Variants in TEAD1 observed in about 807,000 individuals in gnomAD.
TEAD1 encodes TEA domain transcription factor 1.
Under a neutral mutation model 54.9 loss-of-function variants are expected in TEAD1, and 9 were observed. The ratio of observed to expected loss-of-function variants is 0.16; its 90% confidence interval spans 0.10 to 0.29. TEAD1 has a LOEUF of 0.29. Among genes scored for constraint, TEAD1 ranks in the 10% least tolerant of loss-of-function variants. The pLI is 1.00. For synonymous variants in TEAD1, 200 were observed against 187.8 expected, an observed-to-expected ratio of 1.07 and a Z score of -0.53; for missense variants, 387 against 535.9, an observed-to-expected ratio of 0.72 and a Z score of 2.74.
At chr11:12,913,446 T>A (rs1231959534) in intron 10 of TEAD1, among the ~76,000 whole-genome samples, 1 of 152,256 alleles carries the variant, frequency 6.6e-6, no homozygotes, top group Non-Finnish European at 1.5e-5. Context: ...ACAACCATTA[T>A]ACGTATACAT....
Position 12,924,894 on chromosome 11 carries a change from C to G in TEAD1, c.874-18C>G, listed in dbSNP as rs758455547. The G allele has an allele frequency of 1.2e-6, 2 of 1,614,162 alleles. No homozygotes were observed. The highest frequency in any genetic ancestry group is 1.1e-5 in the South Asian group (1 of 91,072). On this transcript the variant is annotated intron_variant, in intron 10 of 12. Transcript: ENST00000527636. ...TGGGATGAGAGAATAACCCACACCT[C>G]CATTTCCTTTCCAACAGGCTGATTT...
chr11:12,711,025 A>G lies in TEAD1; in HGVS notation c.-55+35464A>G, dbSNP rs148796229. On this transcript the variant is annotated intron_variant, in intron 2 of 12. Coordinates refer to ENST00000527636, the MANE Select transcript of TEAD1 (RefSeq NM_021961.6). ...TTGGGGATGGTGTTTTTAGGACTGT[A>G]CTGTGAATACCATGTTTAGGAGCTT... 2.6e-5 allele frequency among the ~76,000 whole-genome samples: 4 copies of G among 152,254 alleles called. 1 individual carries two copies. Among genetic ancestry groups the G allele is most frequent in the African/African-American group, 7.2e-5 (3 of 41,556 alleles).
rs1256850985 is a variant in TEAD1, at chr11:12,943,040, G to C, written c.*5818G>C. On this transcript the variant is annotated 3_prime_UTR_variant, in exon 13 of 13. Transcript: ENST00000527636. ...TAATATAGATGTAAAAATAACATCA[G>C]ACATCTTTGAAAATTAGCCTCTAAA... 6.6e-6 allele frequency: 1 copy of C among 152,194 alleles called. No individual in the cohort carries two copies. Among genetic ancestry groups the C allele is most frequent in the Non-Finnish European group, 1.5e-5 (1 of 68,020 alleles). The allele number at this position is 152,194 out of a possible 1,614,324, so 9.4% of individuals were successfully genotyped here.
intron 3 of TEAD1, among the ~76,000 whole-genome samples, chr11:12,784,521 T>A (rs144264979): frequency 6.6e-5 from 10 of 152,042 alleles, no homozygotes; most frequent in African/African-American, 2.4e-4. Flanking sequence ...GCATTAAGAG[T>A]CATTGTCTTG....
chr11:12,854,195 C>T (rs1038269656), intron 3 of TEAD1, among the ~76,000 whole-genome samples: 4 of 152,168 alleles, frequency 2.6e-5, no homozygotes, highest in African/African-American at 9.7e-5. Flanking sequence ...GGGACTGGTT[C>T]AGAGGCTGTT....
At chr11:12,911,381 G>A (rs1948614997) in intron 10 of TEAD1, among the ~76,000 whole-genome samples, 1 of 152,170 alleles carries the variant, frequency 6.6e-6, no homozygotes, top group East Asian at 1.9e-4. Flanking sequence ...ACCTGAGTCT[G>A]TCATTTGGAA....
intron 3 of TEAD1, among the ~76,000 whole-genome samples, chr11:12,809,705 G>A (rs565451315): frequency 1.2e-4 from 19 of 152,286 alleles, no homozygotes; most frequent in South Asian, 2.1e-4. Context: ...AAAACGTAGC[G>A]TCCTGTGCTT....
intron 2 of TEAD1, among the ~76,000 whole-genome samples, chr11:12,695,866 A>C (rs181664639): frequency 6.6e-6 from 1 of 152,020 alleles, no homozygotes; most frequent in Non-Finnish European, 1.5e-5. Context: ...TGTCTCCCCA[A>C]CCCTTGCATT....
At chr11:12,933,360 T>A (rs1420100554) in intron 12 of TEAD1, among the ~76,000 whole-genome samples, 2 of 152,228 alleles carry the variant, frequency 1.3e-5, no homozygotes, top group Admixed American at 1.3e-4. Flanking sequence ...CCAGCACTCT[T>A]GGATTTTGAA....
At chr11:12,772,036 C>G (rs1374172702) in intron 3 of TEAD1, among the ~76,000 whole-genome samples, 1 of 152,192 alleles carries the variant, frequency 6.6e-6, no homozygotes, top group African/African-American at 2.4e-5. Flanking sequence ...AGCTGCTGGG[C>G]TAGCTGCAGT....
intron 3 of TEAD1, among the ~76,000 whole-genome samples, chr11:12,827,472 TGAGA>T (rs1946680006): frequency 6.6e-6 from 1 of 152,206 alleles, no homozygotes; most frequent in Non-Finnish European, 1.5e-5. Flanking sequence ...TTGGTGTGGA[TGAGA>T]ACACTTAGTA....
intron 3 of TEAD1, among the ~76,000 whole-genome samples, chr11:12,819,780 C>G (rs1481405950): frequency 1.3e-5 from 2 of 152,166 alleles, no homozygotes; most frequent in East Asian, 1.9e-4. Context: ...CGGTCTTATT[C>G]TGTAATACGT....
At chr11:12,720,527 G>C (rs1349023447) in intron 2 of TEAD1, among the ~76,000 whole-genome samples, 2 of 152,144 alleles carry the variant, frequency 1.3e-5, no homozygotes, top group African/African-American at 4.8e-5. Flanking sequence ...AACTCTATGA[G>C]GTGAGCATTA....
intron 10 of TEAD1, among the ~76,000 whole-genome samples, chr11:12,915,617 G>A (rs1320455575): frequency 6.6e-6 from 1 of 152,232 alleles, no homozygotes; most frequent in African/African-American, 2.4e-5. Context: ...GGAGGCCGAG[G>A]CAGGTGGATC....
chr11:12,714,905 C>A (rs1944022940), intron 2 of TEAD1, among the ~76,000 whole-genome samples: 1 of 152,100 alleles, frequency 6.6e-6, no homozygotes, highest in African/African-American at 2.4e-5. Context: ...TGTTAATCAC[C>A]TCTTTAAAAG....
intron 3 of TEAD1, among the ~76,000 whole-genome samples, chr11:12,854,132 G>A (rs2134055422): frequency 6.6e-6 from 1 of 152,276 alleles, no homozygotes; most frequent in Non-Finnish European, 1.5e-5. Context: ...CTGATTTCTG[G>A]TCAATGATTT....
chr11:12,883,243 G>A, intron 9 of TEAD1, 118 bp downstream of exon 9: 1 of 1,493,134 alleles, frequency 6.7e-7, no homozygotes, highest in East Asian at 2.3e-5. Flanking sequence ...AATATCCTGT[G>A]TGAAAACGGG....
chr11:12,922,879 C>T (rs942230925), intron 10 of TEAD1: 1 of 144,802 alleles, frequency 6.9e-6, no homozygotes, highest in Non-Finnish European at 1.5e-5. Flanking sequence ...CAGTGAGCCT[C>T]GCACCAGTGA....
At chr11:12,760,175 G>T (rs1341495925) in intron 2 of TEAD1, among the ~76,000 whole-genome samples, 3 of 152,176 alleles carry the variant, frequency 2.0e-5, no homozygotes, top group Non-Finnish European at 4.4e-5. Context: ...GTCTAGAGAG[G>T]ATGGACTTGG....
Sources: gnomAD v4.1 joint callset for allele counts (sites outside exome capture counted in the v4.1 genomes callset) on GRCh38, gnomAD v4.1.1 for gene constraint, MANE v1.5 for transcripts, NCBI Gene and HGNC (gene_info 2026-07-23, HGNC 2026-07-21) for gene names.